Variants in PPEF1 observed in about 807,000 individuals in gnomAD.
PPEF1 encodes serine/threonine-protein phosphatase with EF-hands 1.
In PPEF1, 12 loss-of-function variants were observed where a neutral mutation model predicts 53.3. The ratio of observed to expected loss-of-function variants is 0.23; its 90% CI spans 0.14 to 0.36. The LOEUF is 0.36. PPEF1 is among the 10% of genes least tolerant of loss of function. PPEF1 has a pLI of 1.00. For missense variants in PPEF1, 334 were observed against 490.4 expected (o/e 0.68, Z 3.01); for synonymous variants, 165 against 176.7 (o/e 0.93, Z 0.52).
At chrX:18,815,675 TCTCA>T (rs1299098239) in intron 12 of PPEF1, among the ~76,000 whole-genome samples, 6 of 111,421 alleles carry the variant, frequency 5.4e-5, no homozygotes, top group Non-Finnish European at 9.4e-5. Flanking sequence ...TGATGTCCCC[TCTCA>T]CTCTTGATTT....
At chrX:18,760,189 G>A (rs1487721341) in intron 5 of PPEF1, among the ~76,000 whole-genome samples, 1 of 111,142 alleles carries the variant, frequency 9.0e-6, no homozygotes, top group East Asian at 2.8e-4. Context: ...GTCTTACCAT[G>A]TTGGCCAGGC....
chrX:18,741,665 C>T (rs961068913), intron 3 of PPEF1, among the ~76,000 whole-genome samples: 2 of 109,979 alleles, frequency 1.8e-5, no homozygotes, highest in African/African-American at 6.6e-5. Context: ...AACCCCCACA[C>T]AATCACATAA....
intron 12 of PPEF1, among the ~76,000 whole-genome samples, chrX:18,811,605 ATATATATATATTTTTT>A (rs1278626990): frequency 3.6e-4 from 6 of 16,828 alleles, no homozygotes; most frequent in African/African-American, 1.3e-3. Context: ...ATATATATAT[ATATATATATATTTTTT>A]TTTTTTTTTT....
intron 4 of PPEF1, 127 bp downstream of exon 4, chrX:18,750,079 C>A: frequency 1.6e-6 from 1 of 638,070 alleles, no homozygotes; most frequent in Non-Finnish European, 2.4e-6. Context: ...TAAGTGAGAG[C>A]TCCCCTCTGT....
At chrX:18,707,608 A>G (rs970275021), upstream of PPEF1, 12 of 423,432 alleles carry the variant, frequency 2.8e-5, no homozygotes, top group Admixed American at 8.7e-5. Context: ...CTCAGCTACC[A>G]TGTGGTTAAC....
chrX:18,675,305 C>T (rs1388567050), upstream of PPEF1, among the ~76,000 whole-genome samples: 2 of 113,749 alleles, frequency 1.8e-5, no homozygotes, highest in African/African-American at 6.4e-5. Context: ...CCCCCGGCAG[C>T]TTCCTCCGCC....
At chrX:18,763,187 C>T (rs779851436) in intron 6 of PPEF1, among the ~76,000 whole-genome samples, 10 of 111,545 alleles carry the variant, frequency 9.0e-5, no homozygotes, top group African/African-American at 2.6e-4. Context: ...TAATCTAAAT[C>T]GGTCCAGGTG....
chrX:18,699,950 A>C (rs1239381500), intron 5 of PPEF1: 1 of 112,638 alleles, frequency 8.9e-6, no homozygotes, highest in African/African-American at 3.2e-5. Context: ...TATTGATGGC[A>C]GATTATGCAC....
At chrX:18,741,312 C>T (rs2045154929) in intron 3 of PPEF1, among the ~76,000 whole-genome samples, 1 of 112,210 alleles carries the variant, frequency 8.9e-6, no homozygotes, top group African/African-American at 3.2e-5. Flanking sequence ...CTCACTTCAT[C>T]AGAATCACTT....
intron 5 of PPEF1, among the ~76,000 whole-genome samples, chrX:18,759,268 C>T (rs2045611123): frequency 9.0e-6 from 1 of 111,135 alleles, no homozygotes; most frequent in Admixed American, 9.6e-5. Context: ...TTTTTAACAG[C>T]TCATTGAACT....
intron 1 of PPEF1, among the ~76,000 whole-genome samples, chrX:18,726,114 G>A (rs1262633861): frequency 9.0e-6 from 1 of 111,050 alleles, no homozygotes; most frequent in African/African-American, 3.3e-5. Flanking sequence ...CCAGCATTTT[G>A]GGAGGCTGAG....
At chrX:18,823,483 C>T (rs762217823) in intron 13 of PPEF1, among the ~76,000 whole-genome samples, 87 of 109,086 alleles carry the variant, frequency 8.0e-4, no homozygotes, top group Non-Finnish European at 1.4e-3. Flanking sequence ...AAAAATTAGC[C>T]GGGTATGGTG....
chrX:18,686,466 C>T (rs1299137160), intron 3 of PPEF1, among the ~76,000 whole-genome samples: 1 of 111,319 alleles, frequency 9.0e-6, no homozygotes, highest in African/African-American at 3.3e-5. Context: ...CCCAAACACT[C>T]CTTTTTGCCA....
intron 4 of PPEF1, among the ~76,000 whole-genome samples, chrX:18,757,203 A>G (rs1452926318): frequency 8.9e-6 from 1 of 111,789 alleles, no homozygotes; most frequent in Non-Finnish European, 1.9e-5. Flanking sequence ...CAATAGGTCT[A>G]AATAGTTTTG....
At chrX:18,728,903 A>C (rs773648123) in intron 1 of PPEF1, among the ~76,000 whole-genome samples, 22 of 111,979 alleles carry the variant, frequency 2.0e-4, no homozygotes, top group African/African-American at 7.1e-4. Flanking sequence ...CGATAGCATG[A>C]ATAAAAGGAG....
At chrX:18,703,430 T>C (rs2044128754), upstream of PPEF1, among the ~76,000 whole-genome samples, 1 of 112,338 alleles carries the variant, frequency 8.9e-6, no homozygotes, top group African/African-American at 3.2e-5. Flanking sequence ...ACTACCCCTT[T>C]CTGATTTAAT....
At chrX:18,679,784 C>G (rs1340896465), upstream of PPEF1, among the ~76,000 whole-genome samples, 1 of 111,463 alleles carries the variant, frequency 9.0e-6, no homozygotes, top group Non-Finnish European at 1.9e-5. Context: ...AGGCTTGTGC[C>G]TCTCTGGTTA....
intron 6 of PPEF1, among the ~76,000 whole-genome samples, chrX:18,766,976 C>T (rs1223152454): frequency 2.7e-5 from 3 of 111,280 alleles, no homozygotes; most frequent in Non-Finnish European, 3.8e-5. Flanking sequence ...TACTTGAACC[C>T]GAGAGGCAGA....
At chrX:18,747,597 G>A (rs886085567) in intron 3 of PPEF1, among the ~76,000 whole-genome samples, 6 of 112,100 alleles carry the variant, frequency 5.4e-5, no homozygotes, top group African/African-American at 1.9e-4. Context: ...TCAGCCTCCT[G>A]AGTAGCTGGG....
Sources: gnomAD v4.1 joint callset for allele counts (sites outside exome capture counted in the v4.1 genomes callset) on GRCh38, gnomAD v4.1.1 for gene constraint, MANE v1.5 for transcripts, NCBI Gene and HGNC (gene_info 2026-07-23, HGNC 2026-07-21) for gene names.